GRID2: variants seen among roughly 807,000 people sequenced by gnomAD.
The protein encoded by GRID2 is glutamate ionotropic receptor delta type subunit 2, also known as glutamate receptor ionotropic, delta-2.
Under a neutral mutation model 114.8 loss-of-function variants are expected in GRID2, and 33 were observed. The ratio of observed to expected loss-of-function variants is 0.29; its 90% CI spans 0.22 to 0.38. The LOEUF is 0.38. Among genes scored for constraint, GRID2 ranks in the 10% least tolerant of loss-of-function variants. GRID2 has a pLI of 1.00. For synonymous variants in GRID2, 505 were observed against 449.9 expected (o/e 1.12, Z -1.55); for missense variants, 1,184 against 1,257.7 (o/e 0.94, Z 0.89).
chr4:93,073,081 C>T (rs748306996), intron 2 of GRID2, among the ~76,000 whole-genome samples: 5 of 152,106 alleles, frequency 3.3e-5, no homozygotes, highest in African/African-American at 4.8e-5. Flanking sequence ...TAAAAAGTAA[C>T]CTCTCACAGT....
At chr4:92,730,404 C>A (rs1736276610) in intron 2 of GRID2, among the ~76,000 whole-genome samples, 1 of 151,790 alleles carries the variant, frequency 6.6e-6, no homozygotes, top group Admixed American at 6.6e-5. Context: ...TTTTGTTTTC[C>A]CCACCAGGAA....
intron 13 of GRID2, among the ~76,000 whole-genome samples, chr4:93,610,903 T>A (rs1256255956): frequency 7.1e-6 from 1 of 140,356 alleles, no homozygotes; most frequent in East Asian, 2.0e-4. Flanking sequence ...CAGTTCCTCC[T>A]TGTACTTCCG....
At chr4:92,819,297 C>T (rs1741114893) in intron 2 of GRID2, among the ~76,000 whole-genome samples, 1 of 152,112 alleles carries the variant, frequency 6.6e-6, no homozygotes, top group Non-Finnish European at 1.5e-5. Flanking sequence ...CAGACAAATT[C>T]AACCCCAATT....
At chr4:93,188,936 T>A (rs1740703897) in intron 4 of GRID2, among the ~76,000 whole-genome samples, 1 of 152,168 alleles carries the variant, frequency 6.6e-6, no homozygotes, top group Non-Finnish European at 1.5e-5. Context: ...ACCTTTATCA[T>A]ACACATTTCA....
intron 1 of GRID2, among the ~76,000 whole-genome samples, chr4:92,536,765 T>C (rs1725656464): frequency 6.6e-6 from 1 of 152,190 alleles, no homozygotes; most frequent in South Asian, 2.1e-4. Flanking sequence ...GCAAATCGTC[T>C]GAGAGAAATG....
intron 8 of GRID2, among the ~76,000 whole-genome samples, chr4:93,273,734 A>T (rs1751753782): frequency 6.6e-6 from 1 of 152,092 alleles, no homozygotes; most frequent in African/African-American, 2.4e-5. Flanking sequence ...AGATGGAGGG[A>T]TTGGGCCATG....
chr4:92,754,677 T>C (rs1015247417), intron 2 of GRID2, among the ~76,000 whole-genome samples: 2 of 152,172 alleles, frequency 1.3e-5, no homozygotes, highest in South Asian at 4.1e-4. Flanking sequence ...TGTGTTTAAA[T>C]ACCCTTCTTG....
chr4:92,687,267 C>T (rs569074044), intron 2 of GRID2, among the ~76,000 whole-genome samples: 221 of 151,142 alleles, frequency 1.5e-3, no homozygotes, highest in African/African-American at 5.3e-3. Flanking sequence ...CTTTTTGAAG[C>T]ACACCAACTC....
At chr4:93,107,548 A>T (rs2667166) in intron 3 of GRID2, among the ~76,000 whole-genome samples, 2,378 of 151,932 alleles carry the variant, frequency 0.016, 30 homozygotes, top group Non-Finnish European at 0.02. Flanking sequence ...TATTAAAAAA[A>T]TTTTTTTTGA....
intron 2 of GRID2, among the ~76,000 whole-genome samples, chr4:92,823,362 C>A (rs1042422573): frequency 6.6e-6 from 1 of 152,138 alleles, no homozygotes; most frequent in Admixed American, 6.6e-5. Context: ...CAATCCCTAG[C>A]ACCCTGTACA....
At chr4:93,632,742 A>T (rs973551985) in intron 14 of GRID2, among the ~76,000 whole-genome samples, 1 of 152,140 alleles carries the variant, frequency 6.6e-6, no homozygotes, top group African/African-American at 2.4e-5. Context: ...CGTTTTTTCC[A>T]ATTCTGTGAA....
At chr4:92,435,004 A>T (rs1732665715) in intron 1 of GRID2, among the ~76,000 whole-genome samples, 1 of 152,230 alleles carries the variant, frequency 6.6e-6, no homozygotes, top group South Asian at 2.1e-4. Flanking sequence ...GGCTAAATAG[A>T]GTAGGAAAAT....
intron 11 of GRID2, among the ~76,000 whole-genome samples, chr4:93,490,230 T>A (rs990119375): frequency 2.0e-5 from 3 of 149,864 alleles, no homozygotes; most frequent in African/African-American, 4.9e-5. Flanking sequence ...TAACAAAAAA[T>A]AATCCTTTCA....
At chr4:93,711,871 C>G (rs1196115284) in intron 14 of GRID2, among the ~76,000 whole-genome samples, 1 of 152,150 alleles carries the variant, frequency 6.6e-6, no homozygotes, top group African/African-American at 2.4e-5. Context: ...AAGTGCTCAC[C>G]TGATGTTTTA....
At chr4:93,676,601 C>G (rs1724879827) in intron 14 of GRID2, among the ~76,000 whole-genome samples, 1 of 152,010 alleles carries the variant, frequency 6.6e-6, no homozygotes, top group African/African-American at 2.4e-5. Flanking sequence ...ACAATGATAA[C>G]TTAAGTTTAG....
At chr4:93,242,090 G>A (rs1747592111) in intron 8 of GRID2, among the ~76,000 whole-genome samples, 1 of 151,906 alleles carries the variant, frequency 6.6e-6, no homozygotes, top group Admixed American at 6.6e-5. Flanking sequence ...AAAGAATGCT[G>A]TGTTTGCAAG....
intron 3 of GRID2, among the ~76,000 whole-genome samples, chr4:93,087,017 G>GATTTATTTATTA (rs1730386648): frequency 6.8e-6 from 1 of 147,520 alleles, no homozygotes; most frequent in African/African-American, 2.5e-5. Flanking sequence ...CTATGAAAGT[G>GATTTATTTATTA]ATTTATTTAT....
At chr4:93,214,436 A>C (rs532651971) in intron 5 of GRID2, among the ~76,000 whole-genome samples, 1 of 152,172 alleles carries the variant, frequency 6.6e-6, no homozygotes, top group East Asian at 1.9e-4. Flanking sequence ...ATGCGCAAGT[A>C]AAGTTCCGTA....
intron 8 of GRID2, among the ~76,000 whole-genome samples, chr4:93,282,606 G>A (rs1752761904): frequency 6.6e-6 from 1 of 151,936 alleles, no homozygotes. Context: ...ATTACCTCTT[G>A]AACATCCCAC....
Sources: allele counts gnomAD v4.1 joint callset (sites outside exome capture counted in the v4.1 genomes callset), GRCh38; gene constraint gnomAD v4.1.1; transcripts MANE v1.5; gene names NCBI Gene and HGNC (gene_info 2026-07-23, HGNC 2026-07-21).